The following SHROOM3 variants were observed in gnomAD, a reference collection of about 807,000 sequenced individuals.
SHROOM3 encodes the protein shroom family member 3.
SHROOM3 carries 47 observed loss-of-function variants against 138.6 expected under a neutral mutation model. That is an observed-to-expected ratio of 0.34 (90% confidence interval 0.27 to 0.43). The LOEUF (loss-of-function observed/expected upper bound fraction) is 0.43. Ranked by LOEUF, SHROOM3 falls within the 20% of genes least tolerant of loss-of-function variation. The pLI is 1.00. For missense variants in SHROOM3, 2,491 were observed against 2,596.5 expected (o/e 0.96, Z 0.88); for synonymous variants, 1,062 against 1,063.3 (o/e 1.00, Z 0.02).
At chr4:76,491,673 C>A (rs1374602492) in intron 1 of SHROOM3, among the ~76,000 whole-genome samples, 1 of 152,100 alleles carries the variant, frequency 6.6e-6, no homozygotes, top group African/African-American at 2.4e-5. Context: ...TGACTCAGAG[C>A]CCTGACACTG....
chr4:76,646,227 T>TAA lies in SHROOM3; in HGVS notation c.324-63928_324-63927insAA, dbSNP rs1414512165. Among the ~76,000 whole-genome samples, 135 of 130,298 alleles carry TAA rather than the reference T, an allele frequency of 1.0e-3. 2 individuals are homozygous for TAA. Among genetic ancestry groups the TAA allele is most frequent in the East Asian group, 1.6e-3 (7 of 4,410 alleles). The allele number at this position is 130,298 out of a possible 152,430, so 85.5% of individuals were successfully genotyped here. Reference sequence around the variant, plus strand: ...TAGAACTTAAAGTATAATAAATAAATATATATATATATATATATATAAAAT... The same window carrying TAA: ...TAGAACTTAAAGTATAATAAATAAATAAATATATATATATATATATATAAAAT... On this transcript the variant is annotated intron_variant, in intron 2 of 10. Transcript: ENST00000296043.
At chr4:76,714,495 A>G (rs1245808171) in intron 3 of SHROOM3, among the ~76,000 whole-genome samples, 2 of 152,166 alleles carry the variant, frequency 1.3e-5, no homozygotes, top group African/African-American at 2.4e-5. Context: ...CATGATGTCA[A>G]TATGTCTCAT....
intron 1 of SHROOM3, among the ~76,000 whole-genome samples, chr4:76,475,877 G>A (rs1348176011): frequency 2.0e-5 from 3 of 152,000 alleles, no homozygotes; most frequent in South Asian, 2.1e-4. Flanking sequence ...TCCACAGTAG[G>A]GAAAAAAATT....
intron 1 of SHROOM3, among the ~76,000 whole-genome samples, chr4:76,438,605 G>A (rs1244044475): frequency 6.6e-6 from 1 of 152,084 alleles, no homozygotes; most frequent in African/African-American, 2.4e-5. Flanking sequence ...TTCTCTCTGA[G>A]GTTTTCCTGA....
intron 2 of SHROOM3, among the ~76,000 whole-genome samples, chr4:76,608,668 C>CATAGCATAGCATAGCATAGCATAGCAT (rs1734691678): frequency 1.1e-4 from 10 of 94,392 alleles, no homozygotes; most frequent in African/African-American, 3.5e-4. Context: ...TAGCATAGCA[C>CATAGCATAGCATAGCATAGCATAGCAT]AGCATAGCAC....
intron 2 of SHROOM3, among the ~76,000 whole-genome samples, chr4:76,591,950 T>G (rs980081348): frequency 3.3e-5 from 5 of 152,232 alleles, no homozygotes; most frequent in African/African-American, 1.2e-4. Flanking sequence ...ACAAGTCAGA[T>G]AACACAAAAA....
intron 1 of SHROOM3, among the ~76,000 whole-genome samples, chr4:76,474,306 C>G (rs141953035): frequency 6.6e-6 from 1 of 152,056 alleles, no homozygotes; most frequent in Non-Finnish European, 1.5e-5. Context: ...AGAGTGACTA[C>G]TAGAGGGTAC....
intron 2 of SHROOM3, among the ~76,000 whole-genome samples, chr4:76,707,421 G>C (rs548750974): frequency 1.9e-4 from 29 of 152,198 alleles, no homozygotes; most frequent in African/African-American, 6.3e-4. Context: ...AAAGTTGTGG[G>C]AATAATATCT....
chr4:76,720,694 C>G (rs1430053513), intron 3 of SHROOM3, among the ~76,000 whole-genome samples: 3 of 150,406 alleles, frequency 2.0e-5, no homozygotes, highest in Non-Finnish European at 3.0e-5. Context: ...CTCATTGCAA[C>G]CTCGCCTCCC....
At chr4:76,623,333 A>G (rs936911160) in intron 2 of SHROOM3, among the ~76,000 whole-genome samples, 2 of 152,346 alleles carry the variant, frequency 1.3e-5, no homozygotes, top group African/African-American at 4.8e-5. Context: ...TGTCACTTGG[A>G]CTACAAATGA....
intron 2 of SHROOM3, among the ~76,000 whole-genome samples, chr4:76,680,316 A>G (rs1254904383): frequency 1.3e-5 from 2 of 151,810 alleles, no homozygotes; most frequent in Non-Finnish European, 2.9e-5. Context: ...AATTTTTTGT[A>G]TTTTAGTAGA....
chr4:76,438,931 C>A (rs1004544779), intron 1 of SHROOM3, among the ~76,000 whole-genome samples: 5 of 152,198 alleles, frequency 3.3e-5, no homozygotes, highest in East Asian at 3.9e-4. Context: ...CAAACAGAAC[C>A]AATGAGGATG....
At chr4:76,775,161 G>T (rs1250874204) in intron 10 of SHROOM3, among the ~76,000 whole-genome samples, 1 of 152,036 alleles carries the variant, frequency 6.6e-6, no homozygotes, top group Non-Finnish European at 1.5e-5. Flanking sequence ...TTATGCCTTT[G>T]CATCCTCAAT....
intron 2 of SHROOM3, among the ~76,000 whole-genome samples, chr4:76,641,172 A>G (rs1735656296): frequency 6.6e-6 from 1 of 152,204 alleles, no homozygotes; most frequent in Admixed American, 6.5e-5. Context: ...TGCAGGAAAT[A>G]TTTATTGAGG....
chr4:76,452,899 G>A (rs1730953365), intron 1 of SHROOM3, among the ~76,000 whole-genome samples: 1 of 152,116 alleles, frequency 6.6e-6, no homozygotes, highest in African/African-American at 2.4e-5. Flanking sequence ...TGTATTTTTA[G>A]TAGAGACAAG....
chr4:76,730,792 G>A lies in SHROOM3; in HGVS notation c.456-12G>A, dbSNP rs1216098440. The A allele has an allele frequency of 1.2e-6, 2 of 1,613,900 alleles. No individual in the cohort carries two copies. Among genetic ancestry groups the A allele is most frequent in the Non-Finnish European group, 1.7e-6 (2 of 1,179,928 alleles). On this transcript the variant is annotated splice_polypyrimidine_tract_variant and intron_variant, in intron 3 of 10. Transcript: ENST00000296043. ...TGGCTAATGTTGGGGGGTCCCTCCT[G>A]TGTCTCCCCAGGCGCAGTGAGCCTG...
At chr4:76,581,574 G>C (rs1734054801) in intron 2 of SHROOM3, among the ~76,000 whole-genome samples, 1 of 152,166 alleles carries the variant, frequency 6.6e-6, no homozygotes, top group African/African-American at 2.4e-5. Context: ...TCATCAGCCT[G>C]GGATAAAAAA....
Position 76,560,950 on chromosome 4 carries a change from T to TG in SHROOM3, c.323+5187_323+5188insG, listed in dbSNP as rs1577885976. On this transcript the variant is annotated intron_variant, in intron 2 of 10. Transcript: ENST00000296043. ...ATGTGGGTATGGTATTTAGTACAGT[T>TG]ATTAAATCATGAATCTACTGAAAAC... Among the ~76,000 whole-genome samples the TG allele has an allele frequency of 2.6e-5, 4 of 152,326 alleles. No individual in the cohort carries two copies. In the South Asian group the frequency reaches 8.3e-4, roughly 32 times the overall value.
intron 1 of SHROOM3, among the ~76,000 whole-genome samples, chr4:76,521,763 C>T (rs1044348742): frequency 4.6e-5 from 7 of 152,152 alleles, no homozygotes; most frequent in African/African-American, 1.7e-4. Flanking sequence ...ATAAACCTCT[C>T]ATTCATTCAT....
Sources: allele counts gnomAD v4.1 joint callset (sites outside exome capture counted in the v4.1 genomes callset), GRCh38; gene constraint gnomAD v4.1.1; transcripts MANE v1.5; gene names NCBI Gene and HGNC (gene_info 2026-07-23, HGNC 2026-07-21).